RSF1: variants seen among roughly 807,000 people sequenced by gnomAD.
RSF1 encodes the protein remodeling and spacing factor 1.
In RSF1, 13 loss-of-function variants were observed where a neutral mutation model predicts 145.2. That is an observed-to-expected ratio of 0.09 (90% confidence interval 0.06 to 0.14). The LOEUF (loss-of-function observed/expected upper bound fraction) is 0.14, where lower values mean the gene tolerates loss of function less well. Among genes scored for constraint, RSF1 ranks in the 10% least tolerant of loss-of-function variants. RSF1 has a pLI of 1.00. For missense variants in RSF1, 1,517 were observed against 1,718.2 expected (o/e 0.88, Z 2.07); for synonymous variants, 577 against 592.6 (o/e 0.97, Z 0.38).
intron 1 of RSF1, among the ~76,000 whole-genome samples, chr11:77,803,128 G>A (rs1480990803): frequency 6.6e-6 from 1 of 152,068 alleles, no homozygotes; most frequent in Non-Finnish European, 1.5e-5. Flanking sequence ...CCAACCTCCA[G>A]GGACAGGATA....
chr11:77,767,265 C>G (rs1948235980), intron 1 of RSF1, among the ~76,000 whole-genome samples: 2 of 152,136 alleles, frequency 1.3e-5, no homozygotes, highest in South Asian at 2.1e-4. Context: ...GATGTTCCCC[C>G]TTCCCACATC....
At chr11:77,780,781 TGC>T (rs1948394522) in intron 1 of RSF1, among the ~76,000 whole-genome samples, 1 of 143,320 alleles carries the variant, frequency 7.0e-6, no homozygotes, top group Non-Finnish European at 1.5e-5. Flanking sequence ...GCCAAGATCA[TGC>T]CACTGCACTA....
chr11:77,667,656 A>G (rs1300917772), intron 15 of RSF1, among the ~76,000 whole-genome samples, 165 bp from the exon 16 acceptor site: 2 of 152,112 alleles, frequency 1.3e-5, no homozygotes, highest in Non-Finnish European at 2.9e-5. Flanking sequence ...GTCCCATAAC[A>G]ATGCCCAATA....
intron 11 of RSF1, among the ~76,000 whole-genome samples, chr11:77,683,228 T>C (rs777769874): frequency 1.5e-4 from 22 of 150,926 alleles, no homozygotes; most frequent in Admixed American, 3.3e-4. Context: ...GAGGTGGAGG[T>C]TGCAGTGAGC....
chr11:77,863,682 C>T, the RSF1 span, among the ~76,000 whole-genome samples: 1 of 152,152 alleles, frequency 6.6e-6, no homozygotes, highest in African/African-American at 2.4e-5. Context: ...AGCCACCGCA[C>T]CTGGCTGATT....
chr11:77,742,790 C>T (rs1565166981), intron 3 of RSF1, among the ~76,000 whole-genome samples: 1 of 152,126 alleles, frequency 6.6e-6, no homozygotes, highest in Non-Finnish European at 1.5e-5. Context: ...AGTCCTTTGC[C>T]CATTTTTAAA....
At chr11:77,715,529 C>A (rs899799609) in intron 5 of RSF1, among the ~76,000 whole-genome samples, 2 of 152,096 alleles carry the variant, frequency 1.3e-5, no homozygotes, top group Admixed American at 6.5e-5. Flanking sequence ...CTCACTGCAA[C>A]CTCCATCTCC....
the RSF1 span, among the ~76,000 whole-genome samples, chr11:77,858,252 T>G: frequency 6.7e-6 from 1 of 149,126 alleles, no homozygotes; most frequent in Admixed American, 6.7e-5. Flanking sequence ...TGGAGTGCAG[T>G]TGTGCAATCT....
In RSF1 at chr11:77,803,636, G is replaced by A. The variant is rs754530170; in HGVS notation, c.187+16892C>T. 1.4e-4 allele frequency among the ~76,000 whole-genome samples: 21 copies of A among 151,484 alleles called. 1 individual carries two copies. The highest frequency in any genetic ancestry group is 2.2e-4 in the Non-Finnish European group (15 of 67,868). On this transcript the variant is annotated intron_variant, in intron 1 of 15. Coordinates refer to ENST00000308488, the MANE Select transcript of RSF1 (RefSeq NM_016578.4). ...TCTACTAAAAATACAAAAATTAGCC[G>A]GGCATGGTGGTGCGCACCTGTAATC...
chr11:77,666,638 A>G lies in RSF1; in HGVS notation c.*279T>C, dbSNP rs2135803974. On this transcript the variant is annotated 3_prime_UTR_variant, in exon 16 of 16. Transcript: ENST00000308488. Reference sequence around the variant, plus strand: ...GAAATATAAAGTCAAAAATATACAAATCTTTGTTGTTATTATAATAAGATT... The same window carrying G: ...GAAATATAAAGTCAAAAATATACAAGTCTTTGTTGTTATTATAATAAGATT... 3.9e-6 allele frequency: 1 copy of G among 253,794 alleles called. No homozygotes were observed. The highest frequency in any genetic ancestry group is 1.6e-4 in the South Asian group (1 of 6,296). The allele number at this position is 253,794 out of a possible 1,614,324, so 15.7% of individuals were successfully genotyped here. A position where few individuals can be genotyped will look rare whatever the true frequency, so the allele number is the denominator to read the frequency against.
the RSF1 span, among the ~76,000 whole-genome samples, chr11:77,867,768 G>A: frequency 2.0e-5 from 3 of 152,148 alleles, no homozygotes; most frequent in East Asian, 5.8e-4. Flanking sequence ...ATCCTTTAAT[G>A]CTCAATTCAT....
chr11:77,820,724 G>C, upstream of RSF1: 3 of 1,543,098 alleles, frequency 1.9e-6, no homozygotes, highest in Non-Finnish European at 2.6e-6. Flanking sequence ...TTTTGAACTG[G>C]AGGATGGAGG....
the RSF1 span, among the ~76,000 whole-genome samples, chr11:77,856,665 C>T: frequency 1.3e-5 from 2 of 152,082 alleles, no homozygotes; most frequent in African/African-American, 4.8e-5. Flanking sequence ...GCTGGCACAT[C>T]TTACATGGCT....
the RSF1 span, among the ~76,000 whole-genome samples, chr11:77,858,302 CTTTTTT>C: frequency 8.7e-5 from 6 of 69,348 alleles, no homozygotes; most frequent in Non-Finnish European, 1.5e-4. Context: ...TTAAGCAATT[CTTTTTT>C]TTTTTTTTTT....
intron 1 of RSF1, among the ~76,000 whole-genome samples, chr11:77,781,865 A>G (rs1338137461): frequency 6.6e-6 from 1 of 152,228 alleles, no homozygotes; most frequent in Admixed American, 6.5e-5. Flanking sequence ...ATTAGTAAAA[A>G]TACTGTCAGA....
At chr11:77,850,545 G>T in the RSF1 span, 1 of 152,086 alleles carries the variant, frequency 6.6e-6, no homozygotes, top group Admixed American at 6.6e-5. Context: ...AAGAATGAAG[G>T]TATAAAAATA....
rs180831233 is a variant in RSF1, at chr11:77,706,325, T to C, written c.734-3830A>G. On this transcript the variant is annotated intron_variant, in intron 5 of 15. Coordinates refer to ENST00000308488, the MANE Select transcript of RSF1 (RefSeq NM_016578.4). The stretch of plus-strand genomic sequence containing the variant: ...GTGTCACCTCCACCTTGGCCAGCTG[T>C]GGGACCTTTAGAAAATTACTTGAAA... 2.6e-5 allele frequency among the ~76,000 whole-genome samples: 4 copies of C among 152,132 alleles called. No homozygotes were observed. In the East Asian group the frequency reaches 7.7e-4, roughly 29 times the overall value.
chr11:77,700,844 T>C lies in RSF1; in HGVS notation c.2385A>G (p.Lys795=). The stretch of plus-strand genomic sequence containing the variant: ...CTCCTTCCCCTCTTTTTTTATCAGC[T>C]TTCTGATCTCTGATCTCAGCCACTT... ...TAKVAEIRDQ[K]ADKKRGEGED... The change falls in exon 6 of 16, where the codon AAA becomes AAG. Residue 795 remains lysine (K), a synonymous_variant. Coordinates refer to ENST00000308488, the MANE Select transcript of RSF1 (RefSeq NM_016578.4). 1.2e-6 allele frequency: 2 copies of C among 1,613,686 alleles called. No individual in the cohort carries two copies. Among genetic ancestry groups the C allele is most frequent in the South Asian group, 1.1e-5 (1 of 91,070 alleles).
intron 2 of RSF1, chr11:77,763,804 T>C (rs1269978778): frequency 6.6e-6 from 1 of 151,934 alleles, no homozygotes; most frequent in Non-Finnish European, 1.5e-5. Flanking sequence ...ATACCATATA[T>C]GCAAAAATTC....
Sources: gnomAD v4.1 joint callset for allele counts (sites outside exome capture counted in the v4.1 genomes callset) on GRCh38, gnomAD v4.1.1 for gene constraint, MANE v1.5 for transcripts, NCBI Gene and HGNC (gene_info 2026-07-23, HGNC 2026-07-21) for gene names.